UBASH3B: variants seen among roughly 807,000 people sequenced by gnomAD.
The protein encoded by UBASH3B is ubiquitin associated and SH3 domain containing B.
Under a neutral mutation model 83.4 loss-of-function variants are expected in UBASH3B, and 37 were observed. That is an observed-to-expected ratio of 0.44 (90% CI 0.34 to 0.58). UBASH3B has a LOEUF of 0.58. Ranked by LOEUF, UBASH3B falls within the 20% of genes least tolerant of loss-of-function variation. The probability of loss-of-function intolerance (pLI) is 0.01; values close to 1 mark genes in which losing one functional copy is unlikely to be tolerated. For missense variants in UBASH3B, 657 were observed against 827.2 expected (o/e 0.79, Z 2.52); for synonymous variants, 304 against 318.3 (o/e 0.96, Z 0.48).
At chr11:122,656,722 G>T (rs1177708677) in intron 1 of UBASH3B, among the ~76,000 whole-genome samples, 1 of 152,216 alleles carries the variant, frequency 6.6e-6, no homozygotes, top group African/African-American at 2.4e-5. Context: ...TCGCTCTCGG[G>T]TTCGGTCTCC....
chr11:122,741,310 T>C (rs1861020624), intron 1 of UBASH3B, among the ~76,000 whole-genome samples: 1 of 152,224 alleles, frequency 6.6e-6, no homozygotes, highest in Admixed American at 6.5e-5. Context: ...GGATCTTAAA[T>C]GAGATGTATC....
intron 1 of UBASH3B, among the ~76,000 whole-genome samples, chr11:122,719,436 C>T (rs893144435): frequency 2.6e-5 from 4 of 152,110 alleles, no homozygotes; most frequent in Non-Finnish European, 5.9e-5. Context: ...TTTTCTTGTC[C>T]CTTTCTTTCA....
At chr11:122,782,730 C>T (rs1860876812) in intron 4 of UBASH3B, 1 of 246,624 alleles carries the variant, frequency 4.1e-6, no homozygotes, top group South Asian at 1.0e-4. Flanking sequence ...GGTCATAGTG[C>T]CCTCTTCTGA....
intron 1 of UBASH3B, among the ~76,000 whole-genome samples, chr11:122,696,173 C>T (rs918885686): frequency 1.3e-5 from 2 of 150,966 alleles, no homozygotes; most frequent in African/African-American, 4.9e-5. Context: ...TGGTCTTGAA[C>T]TCCTGACCTC....
chr11:122,798,436 G>A (rs1299107477), intron 9 of UBASH3B, among the ~76,000 whole-genome samples: 1 of 152,146 alleles, frequency 6.6e-6, no homozygotes, highest in Non-Finnish European at 1.5e-5. Context: ...GAAGGGGCCA[G>A]GTGTGGTGGC....
At chr11:122,707,777 C>T (rs1183014073) in intron 1 of UBASH3B, among the ~76,000 whole-genome samples, 2 of 49,632 alleles carry the variant, frequency 4.0e-5, no homozygotes, top group Non-Finnish European at 1.3e-4. Flanking sequence ...TGGCTCACTG[C>T]AACCTCCGCC....
intron 5 of UBASH3B, among the ~76,000 whole-genome samples, chr11:122,785,272 T>C (rs144379363): frequency 1.4e-4 from 21 of 152,344 alleles, no homozygotes; most frequent in African/African-American, 4.6e-4. Flanking sequence ...AAAGCTCTCC[T>C]CGGCCCCTTT....
chr11:122,694,634 T>C (rs1195799698), intron 1 of UBASH3B, among the ~76,000 whole-genome samples: 3 of 152,174 alleles, frequency 2.0e-5, no homozygotes, highest in Admixed American at 6.6e-5. Context: ...TAGATATTGA[T>C]ATAGAAAAAT....
chr11:122,742,057 C>T (rs1861034628), intron 1 of UBASH3B, among the ~76,000 whole-genome samples: 1 of 152,172 alleles, frequency 6.6e-6, no homozygotes, highest in Non-Finnish European at 1.5e-5. Flanking sequence ...ACAAAACTAG[C>T]ACAGCGGCAA....
intron 1 of UBASH3B, among the ~76,000 whole-genome samples, chr11:122,658,177 A>AG (rs1306685107): frequency 2.2e-5 from 3 of 136,266 alleles, no homozygotes; most frequent in African/African-American, 8.4e-5. Flanking sequence ...CTTCATCTCA[A>AG]GAAAAAAAAA....
intron 1 of UBASH3B, among the ~76,000 whole-genome samples, chr11:122,700,832 A>G (rs1864032825): frequency 6.6e-6 from 1 of 152,118 alleles, no homozygotes; most frequent in African/African-American, 2.4e-5. Context: ...AGGGGATGCA[A>G]TTTGTAGAGG....
chr11:122,777,216 C>G lies in UBASH3B; in HGVS notation c.402+6C>G, dbSNP rs370781791. The G allele has an allele frequency of 1.9e-6, 3 of 1,604,820 alleles. No homozygotes were observed. The Admixed American group carries it at 5.1e-5, about 27-fold the overall frequency. On this transcript the variant is annotated splice_donor_region_variant and intron_variant, in intron 3 of 13. Coordinates refer to ENST00000284273, the MANE Select transcript of UBASH3B (RefSeq NM_032873.5). ...CACTCTGCCAGTTCTTTATGGTGAG[C>G]GGCAGCGCCCCCACCCCTGGGAAGC...
At chr11:122,676,003 G>A (rs1272417729) in intron 1 of UBASH3B, among the ~76,000 whole-genome samples, 2 of 152,158 alleles carry the variant, frequency 1.3e-5, no homozygotes, top group Non-Finnish European at 2.9e-5. Flanking sequence ...TACATTAAAG[G>A]ATTTATCCCA....
chr11:122,703,476 T>C (rs1031104229), intron 1 of UBASH3B, among the ~76,000 whole-genome samples: 1 of 152,030 alleles, frequency 6.6e-6, no homozygotes, highest in South Asian at 2.1e-4. Flanking sequence ...ACCACCGCTT[T>C]TCAAAATAAA....
At position 122,794,699 on chromosome 11, in the gene UBASH3B, C is replaced by T. The variant is rs1218882886; in HGVS notation, c.981-3C>T. 2 of 1,613,928 alleles carry T rather than the reference C, an allele frequency of 1.2e-6. No individual in the cohort carries two copies. Among genetic ancestry groups the T allele is most frequent in the Non-Finnish European group, 1.7e-6 (2 of 1,179,988 alleles). On this transcript the variant is annotated splice_polypyrimidine_tract_variant and splice_region_variant and intron_variant, in intron 6 of 13. Coordinates refer to ENST00000284273, the MANE Select transcript of UBASH3B (RefSeq NM_032873.5). ...TTAACACCTTCCTTATCTTCCTCTGCAGTTCTTATTCAATCTTAAATACAT... is the reference window on the plus strand; with the variant it reads ...TTAACACCTTCCTTATCTTCCTCTGTAGTTCTTATTCAATCTTAAATACAT...
intron 1 of UBASH3B, among the ~76,000 whole-genome samples, chr11:122,715,459 A>T (rs565522164): frequency 6.6e-6 from 1 of 152,360 alleles, no homozygotes; most frequent in South Asian, 2.1e-4. Flanking sequence ...GAGACAATCC[A>T]GAAAGCTTCT....
At chr11:122,769,351 C>T (rs2135129097) in intron 1 of UBASH3B, among the ~76,000 whole-genome samples, 1 of 152,318 alleles carries the variant, frequency 6.6e-6, no homozygotes, top group South Asian at 2.1e-4. Flanking sequence ...AAACGCCTCC[C>T]ACCAGGCCCC....
chr11:122,745,022 G>A (rs1242925607), intron 1 of UBASH3B, among the ~76,000 whole-genome samples: 1 of 149,220 alleles, frequency 6.7e-6, no homozygotes, highest in Non-Finnish European at 1.5e-5. Flanking sequence ...GTGTTGAGGA[G>A]CGGTGGTCCT....
Position 122,811,854 on chromosome 11 carries a change from A to G in UBASH3B, c.*1968A>G, listed in dbSNP as rs985305624. The G allele has an allele frequency of 1.3e-5, 2 of 152,196 alleles. No homozygotes were observed. Among genetic ancestry groups the G allele is most frequent in the African/African-American group, 4.8e-5 (2 of 41,448 alleles). The allele number at this position is 152,196 out of a possible 1,614,324, so 9.4% of individuals were successfully genotyped here. A position where few individuals can be genotyped will look rare whatever the true frequency, so the allele number is the denominator to read the frequency against. On this transcript the variant is annotated 3_prime_UTR_variant, in exon 14 of 14. Transcript: ENST00000284273. ...AAGTAATGTAATGGCTCTACCATTC[A>G]TTCTTCTGGTATTTGTAATGAAGTG...
Sources: allele counts gnomAD v4.1 joint callset (sites outside exome capture counted in the v4.1 genomes callset), GRCh38; gene constraint gnomAD v4.1.1; transcripts MANE v1.5; gene names NCBI Gene and HGNC (gene_info 2026-07-23, HGNC 2026-07-21).